The following CBFA2T2 variants were observed in gnomAD, a reference collection of about 807,000 sequenced individuals.
CBFA2T2 encodes protein CBFA2T2.
In CBFA2T2, 11 loss-of-function variants were observed where a neutral mutation model predicts 62.2. The ratio of observed to expected loss-of-function variants is 0.18; its 90% CI spans 0.11 to 0.29. The LOEUF is 0.29. Ranked by LOEUF, CBFA2T2 falls within the 10% of genes least tolerant of loss-of-function variation. CBFA2T2 has a pLI of 1.00. For synonymous variants in CBFA2T2, 295 were observed against 287.5 expected (o/e 1.03, Z -0.27); for missense variants, 592 against 774.1 (o/e 0.76, Z 2.79).
At chr20:33,553,863 T>C (rs1283186974) in intron 1 of CBFA2T2, among the ~76,000 whole-genome samples, 1 of 152,158 alleles carries the variant, frequency 6.6e-6, no homozygotes, top group Non-Finnish European at 1.5e-5. Context: ...TTTTAAAAAG[T>C]CTGATCTTAA....
At chr20:33,575,200 G>A (rs1448399139) in intron 1 of CBFA2T2, among the ~76,000 whole-genome samples, 6 of 152,124 alleles carry the variant, frequency 3.9e-5, no homozygotes, top group Non-Finnish European at 8.8e-5. Flanking sequence ...TGATGCCAGT[G>A]TTCTGAAACA....
intron 1 of CBFA2T2, among the ~76,000 whole-genome samples, chr20:33,495,344 C>G (rs1415437378): frequency 6.7e-6 from 1 of 149,628 alleles, no homozygotes; most frequent in Non-Finnish European, 1.5e-5. Context: ...TGAGATCCCA[C>G]CATTGCACTC....
intron 2 of CBFA2T2, among the ~76,000 whole-genome samples, chr20:33,610,573 T>G (rs2015485516): frequency 6.6e-6 from 1 of 152,180 alleles, no homozygotes; most frequent in African/African-American, 2.4e-5. Context: ...GCCAAAGAGA[T>G]AGGTACCTTA....
chr20:33,527,712 T>C (rs557038661), intron 1 of CBFA2T2, among the ~76,000 whole-genome samples: 3 of 151,786 alleles, frequency 2.0e-5, no homozygotes, highest in African/African-American at 7.3e-5. Context: ...CTTTTTTTTT[T>C]GTTGTATTTT....
chr20:33,598,411 G>A (rs2014980540), intron 1 of CBFA2T2, among the ~76,000 whole-genome samples: 2 of 152,156 alleles, frequency 1.3e-5, no homozygotes, highest in South Asian at 4.1e-4. Context: ...GTTCCATGCT[G>A]AGAAAAAGAA....
chr20:33,558,020 G>T (rs777345339), intron 1 of CBFA2T2, among the ~76,000 whole-genome samples: 11 of 152,030 alleles, frequency 7.2e-5, no homozygotes, highest in Non-Finnish European at 1.2e-4. Context: ...GTAGAGACGG[G>T]GTTTCACCAT....
intron 1 of CBFA2T2, among the ~76,000 whole-genome samples, chr20:33,557,058 C>T (rs969339808): frequency 2.8e-5 from 4 of 140,974 alleles, no homozygotes; most frequent in East Asian, 4.0e-4. Context: ...TCTGTTGCCC[C>T]GGCTGGAGTG....
At chr20:33,536,082 C>CA (rs2012214734) in intron 1 of CBFA2T2, among the ~76,000 whole-genome samples, 1 of 152,232 alleles carries the variant, frequency 6.6e-6, no homozygotes, top group Non-Finnish European at 1.5e-5. Context: ...TCTACACAGA[C>CA]ACGGCAACCA....
chr20:33,592,335 C>T (rs1300441569), intron 1 of CBFA2T2, among the ~76,000 whole-genome samples: 1 of 146,158 alleles, frequency 6.8e-6, no homozygotes, highest in South Asian at 2.2e-4. Flanking sequence ...TGCACTCCAG[C>T]CTGGGTGACA....
At chr20:33,637,386 A>G (rs2016667718) in intron 9 of CBFA2T2, among the ~76,000 whole-genome samples, 1 of 152,256 alleles carries the variant, frequency 6.6e-6, no homozygotes, top group Non-Finnish European at 1.5e-5. Context: ...TACATTCATA[A>G]AGACTCTTTT....
chr20:33,551,171 T>G (rs1276695438), intron 1 of CBFA2T2, among the ~76,000 whole-genome samples: 1 of 152,060 alleles, frequency 6.6e-6, no homozygotes, highest in Non-Finnish European at 1.5e-5. Context: ...AATTAACTGT[T>G]GGTTTATTCC....
intron 1 of CBFA2T2, among the ~76,000 whole-genome samples, chr20:33,506,542 G>A (rs1168093994): frequency 2.6e-5 from 4 of 152,146 alleles, no homozygotes; most frequent in Non-Finnish European, 5.9e-5. Flanking sequence ...GGTAAGATTC[G>A]GTCCCGGTCC....
intron 1 of CBFA2T2, among the ~76,000 whole-genome samples, chr20:33,502,688 C>T (rs563372610): frequency 2.0e-4 from 30 of 148,444 alleles, no homozygotes; most frequent in Non-Finnish European, 3.9e-4. Flanking sequence ...CAGGCGTGAG[C>T]CACCGTGCCC....
At chr20:33,632,600 C>T (rs908280621) in intron 8 of CBFA2T2, among the ~76,000 whole-genome samples, 7 of 150,680 alleles carry the variant, frequency 4.6e-5, no homozygotes, top group Non-Finnish European at 7.4e-5. Flanking sequence ...TCCTGAGTAG[C>T]TGGGATTACA....
At chr20:33,542,469 G>A (rs183315976) in intron 1 of CBFA2T2, among the ~76,000 whole-genome samples, 2 of 151,526 alleles carry the variant, frequency 1.3e-5, no homozygotes, top group African/African-American at 4.9e-5. Flanking sequence ...TTTTCATTAA[G>A]CCTCTTCCAT....
chr20:33,490,186 G>T lies in CBFA2T2; in HGVS notation c.-82G>T. 1 of 1,197,304 alleles carries T rather than the reference G, an allele frequency of 8.4e-7. No homozygotes were observed. The highest frequency in any genetic ancestry group is 1.0e-6 in the Non-Finnish European group (1 of 964,432). 74.2% of individuals were successfully genotyped at this position (1,197,304 alleles called of 1,614,324 possible). A position where few individuals can be genotyped will look rare whatever the true frequency, so the allele number is the denominator to read the frequency against. On this transcript the variant is annotated 5_prime_UTR_variant, in exon 1 of 11. Coordinates refer to ENST00000342704, the MANE Select transcript of CBFA2T2 (RefSeq NM_001032999.3). ...GCGGCGACGCCTGCGAGGGACCCGG[G>T]CCGCGGGTCGAGGCGGGCGGCGCCT...
At chr20:33,515,508 C>T (rs2011585048) in intron 1 of CBFA2T2, among the ~76,000 whole-genome samples, 1 of 151,972 alleles carries the variant, frequency 6.6e-6, no homozygotes, top group Admixed American at 6.6e-5. Flanking sequence ...TGCATTGACA[C>T]TATAGTTTTT....
At chr20:33,632,849 C>T (rs1284278109) in intron 8 of CBFA2T2, among the ~76,000 whole-genome samples, 1 of 152,070 alleles carries the variant, frequency 6.6e-6, no homozygotes, top group African/African-American at 2.4e-5. Flanking sequence ...CTCACTGCTC[C>T]CCAGGTTCGA....
chr20:33,603,814 T>C (rs2015235663), intron 1 of CBFA2T2, among the ~76,000 whole-genome samples: 2 of 152,214 alleles, frequency 1.3e-5, no homozygotes, highest in South Asian at 2.1e-4. Flanking sequence ...ATAACTATCA[T>C]TTTCATAAAA....
Sources: gnomAD v4.1 joint callset for allele counts (sites outside exome capture counted in the v4.1 genomes callset) on GRCh38, gnomAD v4.1.1 for gene constraint, MANE v1.5 for transcripts, NCBI Gene and HGNC (gene_info 2026-07-23, HGNC 2026-07-21) for gene names.